The following CTNNAL1 variants were observed in gnomAD, a reference collection of about 807,000 sequenced individuals.
The protein encoded by CTNNAL1 is alpha-catulin.
In CTNNAL1, 69 loss-of-function variants were observed where a neutral mutation model predicts 93.6. The ratio of observed to expected loss-of-function variants is 0.74; its 90% CI spans 0.61 to 0.90. The LOEUF (loss-of-function observed/expected upper bound fraction) is 0.90. Among genes scored for constraint, CTNNAL1 ranks in the 40% least tolerant of loss-of-function variants. The probability of loss-of-function intolerance (pLI) is 0.00; values close to 1 mark genes in which losing one functional copy is unlikely to be tolerated. For synonymous variants in CTNNAL1, 286 were observed against 305.4 expected (o/e 0.94, Z 0.66); for missense variants, 836 against 862.0 (o/e 0.97, Z 0.38).
chr9:108,972,865 A>AGGGAGAG, intron 8 of CTNNAL1, 32 bp from the exon 9 acceptor site: 1 of 219,282 alleles, frequency 4.6e-6, no homozygotes, highest in Non-Finnish European at 6.2e-6. Context: ...GGGGGGTGGG[A>AGGGAGAG]GGGTGGAGAA....
chr9:108,961,496 A>G (rs114242505), intron 11 of CTNNAL1, among the ~76,000 whole-genome samples: 249 of 152,350 alleles, frequency 1.6e-3, no homozygotes, highest in African/African-American at 5.9e-3. Flanking sequence ...CAGTGAAACA[A>G]TAAGTGTCTC....
intron 15 of CTNNAL1, among the ~76,000 whole-genome samples, chr9:108,944,441 G>A (rs1411934369): frequency 6.6e-6 from 1 of 152,194 alleles, no homozygotes; most frequent in Non-Finnish European, 1.5e-5. Context: ...GACAAAATTT[G>A]TCACCCATAC....
At chr9:108,971,483 G>A (rs1268660636) in intron 9 of CTNNAL1, among the ~76,000 whole-genome samples, 1 of 152,216 alleles carries the variant, frequency 6.6e-6, no homozygotes, top group African/African-American at 2.4e-5. Flanking sequence ...CCAGGTGGAA[G>A]TAACTGAATC....
intron 1 of CTNNAL1, among the ~76,000 whole-genome samples, chr9:109,007,899 G>A (rs953987037): frequency 1.3e-5 from 2 of 152,004 alleles, no homozygotes; most frequent in African/African-American, 4.8e-5. Context: ...TGTACATACA[G>A]TATACCCTAA....
At chr9:108,975,693 T>G (rs1054234105) in intron 8 of CTNNAL1, among the ~76,000 whole-genome samples, 1 of 152,220 alleles carries the variant, frequency 6.6e-6, no homozygotes, top group Non-Finnish European at 1.5e-5. Context: ...TTTTGTGACT[T>G]AAAGCAGGAA....
At chr9:109,006,282 G>A (rs1429968399) in intron 1 of CTNNAL1, among the ~76,000 whole-genome samples, 1 of 152,108 alleles carries the variant, frequency 6.6e-6, no homozygotes, top group African/African-American at 2.4e-5. Flanking sequence ...ACAGTACCAG[G>A]CACTAGCCTA....
intron 6 of CTNNAL1, among the ~76,000 whole-genome samples, chr9:108,982,413 A>G (rs1831460551): frequency 6.6e-6 from 1 of 152,212 alleles, no homozygotes; most frequent in Non-Finnish European, 1.5e-5. Flanking sequence ...TACTAATACT[A>G]TTACTATAGT....
chr9:108,958,079 A>C (rs1428562994), intron 11 of CTNNAL1, among the ~76,000 whole-genome samples: 6 of 151,438 alleles, frequency 4.0e-5, no homozygotes, highest in Admixed American at 2.0e-4. Flanking sequence ...AAAAAAAAAA[A>C]AAAAACAAAG....
chr9:108,958,061 CTCA>C (rs1237095759), intron 11 of CTNNAL1, among the ~76,000 whole-genome samples: 2 of 47,428 alleles, frequency 4.2e-5, no homozygotes, highest in Non-Finnish European at 4.0e-5. Context: ...GCAAGACTGT[CTCA>C]AAAAAAAAAA....
chr9:109,012,037 C>T (rs1346638324), intron 1 of CTNNAL1, among the ~76,000 whole-genome samples: 1 of 152,172 alleles, frequency 6.6e-6, no homozygotes, highest in Non-Finnish European at 1.5e-5. Context: ...GATCCCAGTG[C>T]CCCTTCCCAC....
At chr9:108,955,690 G>T in intron 12 of CTNNAL1, 100 bp downstream of exon 12, 4 of 1,036,214 alleles carry the variant, frequency 3.9e-6, no homozygotes, top group Admixed American at 2.2e-5. Flanking sequence ...TTTCTGTCAT[G>T]TCAATTATTT....
chr9:108,959,352 G>A lies in CTNNAL1; in HGVS notation c.1592-3525C>T, dbSNP rs181061534. On this transcript the variant is annotated intron_variant, in intron 11 of 18. Coordinates refer to ENST00000325551, the MANE Select transcript of CTNNAL1 (RefSeq NM_003798.4). ...TGCACTCCAGCCTGGGTGACAGAGC[G>A]AGACTCCATATCAAAAAAAAAAAAA... 2.6e-3 allele frequency among the ~76,000 whole-genome samples: 322 copies of A among 123,678 alleles called. 2 individuals are homozygous for A. The highest frequency in any genetic ancestry group is 9.2e-3 in the African/African-American group (292 of 31,912). 81.1% of individuals were successfully genotyped at this position (123,678 alleles called of 152,430 possible).
intron 4 of CTNNAL1, among the ~76,000 whole-genome samples, chr9:108,985,379 G>A (rs555674630): frequency 1.7e-4 from 26 of 152,248 alleles, no homozygotes; most frequent in South Asian, 1.2e-3. Context: ...TCCCTGTCAC[G>A]TTAGCCTTTT....
At chr9:108,948,275 T>A (rs770116679) in intron 14 of CTNNAL1, 41 bp from the exon 15 acceptor site, 1 of 1,580,556 alleles carries the variant, frequency 6.3e-7, no homozygotes, top group Non-Finnish European at 8.6e-7. Flanking sequence ...CAAAAAGTTA[T>A]TACCTGAAAA....
chr9:109,006,364 C>T (rs1176944939), intron 1 of CTNNAL1, among the ~76,000 whole-genome samples: 4 of 152,136 alleles, frequency 2.6e-5, no homozygotes, highest in African/African-American at 7.2e-5. Flanking sequence ...TATTATTACC[C>T]TAATTTTACA....
rs1221723139 is a variant in CTNNAL1 at position 108,977,011 on chromosome 9, TC to T, written c.1138del (p.Glu380AsnfsTer5). ...KKTKSIAEELELSILKISHSL... is the reference protein window; with the variant it reads ...KKTKSIAEELXLSILKISHSL... ...GTGACTGATTTTCAAAATACTGAGTTCCAGTTCTTCAGCGATGCTTTTTGTT... is the reference window on the plus strand; with the variant it reads ...GTGACTGATTTTCAAAATACTGAGTTCAGTTCTTCAGCGATGCTTTTTGTT... On this transcript the variant is annotated frameshift_variant, in exon 8 of 19. Transcript: ENST00000325551. LOFTEE classifies it high-confidence loss of function. The T allele has an allele frequency of 6.5e-7, 1 of 1,539,954 alleles. No individual in the cohort carries two copies. Among genetic ancestry groups the T allele is most frequent in the Non-Finnish European group, 8.7e-7 (1 of 1,145,094 alleles).
At chr9:109,012,893 G>A (rs567143665) in intron 1 of CTNNAL1, among the ~76,000 whole-genome samples, 44 of 152,282 alleles carry the variant, frequency 2.9e-4, no homozygotes, top group Admixed American at 6.5e-4. Context: ...GTCGGTTATC[G>A]TGGAGGGCCC....
intron 4 of CTNNAL1, among the ~76,000 whole-genome samples, chr9:108,988,751 TAA>T (rs1486760178): frequency 6.6e-6 from 1 of 152,192 alleles, no homozygotes; most frequent in African/African-American, 2.4e-5. Context: ...CCACCCCTAC[TAA>T]AACATAAGCT....
At chr9:108,970,934 C>T (rs1172024772) in intron 9 of CTNNAL1, among the ~76,000 whole-genome samples, 2 of 152,116 alleles carry the variant, frequency 1.3e-5, no homozygotes, top group East Asian at 3.8e-4. Flanking sequence ...ATGGAGCTAA[C>T]ATTGGATTAG....
Sources: allele counts gnomAD v4.1 joint callset (sites outside exome capture counted in the v4.1 genomes callset), GRCh38; gene constraint gnomAD v4.1.1; transcripts MANE v1.5; gene names NCBI Gene and HGNC (gene_info 2026-07-23, HGNC 2026-07-21).